The following ZDHHC11B variants were observed in gnomAD, a reference collection of about 807,000 sequenced individuals.
ZDHHC11B encodes probable palmitoyltransferase ZDHHC11B.
In ZDHHC11B, 17 loss-of-function variants were observed where a neutral mutation model predicts 42.3. The ratio of observed to expected loss-of-function variants is 0.40; its 90% CI spans 0.27 to 0.60. The LOEUF is 0.60. Among genes scored for constraint, ZDHHC11B ranks in the 20% least tolerant of loss-of-function variants. The pLI, the probability that ZDHHC11B is intolerant of heterozygous loss-of-function variation, is 0.41. For missense variants in ZDHHC11B, 262 were observed against 463.2 expected (o/e 0.57, Z 3.99); for synonymous variants, 123 against 193.5 (o/e 0.64, Z 3.02).
intron 12 of ZDHHC11B, among the ~76,000 whole-genome samples, chr5:723,643 A>G (rs202094156): frequency 0.21 from 20,831 of 99,674 alleles, 1,125 homozygotes; most frequent in African/African-American, 0.4. Context: ...TGCAGCTAAG[A>G]GAAGGCCACA....
chr5:719,310 A>T (rs1742009948), intron 12 of ZDHHC11B, among the ~76,000 whole-genome samples: 2 of 151,678 alleles, frequency 1.3e-5, no homozygotes, highest in Non-Finnish European at 2.9e-5. Context: ...GGGGAAAAAG[A>T]CTTGGCATAA....
intron 6 of ZDHHC11B, among the ~76,000 whole-genome samples, chr5:752,171 T>C (rs431935): frequency 0.53 from 50,516 of 94,746 alleles, 15,319 homozygotes; most frequent in African/African-American, 0.65. Context: ...GGGAGAGCCA[T>C]GAGAGTGCCG....
intron 10 of ZDHHC11B, among the ~76,000 whole-genome samples, chr5:739,033 C>A (rs1193747372): frequency 6.6e-5 from 10 of 150,740 alleles, no homozygotes; most frequent in Admixed American, 3.3e-4. Context: ...AGAAAATATT[C>A]ACAATCTGTA....
rs1352010788 is a variant in ZDHHC11B at position 725,051 on chromosome 5, A to G, written c.1058+5383T>C. ...CCCCAGATTCACAGGCTGAAGTCCT[A>G]ACCCCAGCGTTGTGTGTCATAAAGC... is the stretch of plus-strand genomic sequence containing the variant. On this transcript the variant is annotated intron_variant, in intron 12 of 13. Transcript: ENST00000508859. Among the ~76,000 whole-genome samples, 5 of 150,916 alleles carry G rather than the reference A, an allele frequency of 3.3e-5. No homozygotes were observed. In the East Asian group the frequency reaches 9.8e-4, roughly 29 times the overall value.
intron 4 of ZDHHC11B, among the ~76,000 whole-genome samples, chr5:764,615 C>T (rs995883147): frequency 6.6e-6 from 1 of 151,942 alleles, no homozygotes; most frequent in African/African-American, 2.4e-5. Flanking sequence ...GGGCTCAGGA[C>T]CTGCAGCCCG....
At chr5:757,629 A>G (rs1348747177) in intron 4 of ZDHHC11B, among the ~76,000 whole-genome samples, 1 of 151,960 alleles carries the variant, frequency 6.6e-6, no homozygotes, top group African/African-American at 2.4e-5. Context: ...AAATGCAGAC[A>G]CAGGTGCCGA....
rs1283687193 is a variant in ZDHHC11B, at chr5:724,415, G to A, written c.1058+6019C>T. 7.2e-5 allele frequency among the ~76,000 whole-genome samples: 8 copies of A among 110,364 alleles called. No homozygotes were observed. The East Asian group carries it at 1.7e-3, about 24-fold the overall frequency. 72.4% of individuals were successfully genotyped at this position (110,364 alleles called of 152,430 possible). ...TTTTTTGAGACAGTCTTGCTCTGTCGCCCAGGCTGGAGTGCAGTGGCACAA... is the reference window on the plus strand; with the variant it reads ...TTTTTTGAGACAGTCTTGCTCTGTCACCCAGGCTGGAGTGCAGTGGCACAA... On this transcript the variant is annotated intron_variant, in intron 12 of 13. Coordinates refer to ENST00000508859, the MANE Select transcript of ZDHHC11B (RefSeq NM_001351303.2).
At chr5:780,426 C>T (rs1354912425) in intron 1 of ZDHHC11B, among the ~76,000 whole-genome samples, 7 of 151,294 alleles carry the variant, frequency 4.6e-5, no homozygotes, top group African/African-American at 1.7e-4. Context: ...GCACCTGGGG[C>T]TCCTCGACGC....
At chr5:763,165 C>A (rs1241118938) in intron 4 of ZDHHC11B, among the ~76,000 whole-genome samples, 1 of 151,762 alleles carries the variant, frequency 6.6e-6, no homozygotes, top group Non-Finnish European at 1.5e-5. Context: ...GTCAGGAGTT[C>A]AAGACCAGAC....
chr5:783,319 CG>C (rs1319327018), intron 1 of ZDHHC11B, among the ~76,000 whole-genome samples: 1 of 152,292 alleles, frequency 6.6e-6, no homozygotes, highest in Non-Finnish European at 1.5e-5. Context: ...TTCAAGGCGC[CG>C]GCATCAGGCT....
chr5:732,320 T>A (rs1372023208), intron 11 of ZDHHC11B: 3 of 194,560 alleles, frequency 1.5e-5, no homozygotes, highest in Non-Finnish European at 3.2e-5. Context: ...CCAGGCCTCA[T>A]GTGGCTTCAC....
chr5:746,635 C>T (rs1181975782), intron 8 of ZDHHC11B, among the ~76,000 whole-genome samples: 1 of 149,642 alleles, frequency 6.7e-6, no homozygotes, highest in Non-Finnish European at 1.5e-5. Context: ...TGCTCTGCCA[C>T]CTGAGGCAAG....
intron 12 of ZDHHC11B, among the ~76,000 whole-genome samples, chr5:729,668 T>TA (rs1386412128): frequency 1.1e-4 from 17 of 151,016 alleles, no homozygotes; most frequent in Admixed American, 3.3e-4. Flanking sequence ...GAAACTTTAG[T>TA]AGAGTGTAGG....
intron 1 of ZDHHC11B, among the ~76,000 whole-genome samples, chr5:773,131 C>T (rs1299105862): frequency 6.6e-6 from 1 of 151,786 alleles, no homozygotes; most frequent in African/African-American, 2.4e-5. Flanking sequence ...AATAAGAATA[C>T]ATTTAGTTTT....
rs1190378178 is a variant in ZDHHC11B, at chr5:711,023, G to T, written c.*1267C>A. 1 of 147,316 alleles carries T rather than the reference G, an allele frequency of 6.8e-6. No individual in the cohort carries two copies. The highest frequency in any genetic ancestry group is 1.5e-5 in the Non-Finnish European group (1 of 67,570). The allele number at this position is 147,316 out of a possible 1,614,324, so 9.1% of individuals were successfully genotyped here. A position where few individuals can be genotyped will look rare whatever the true frequency, so the allele number is the denominator to read the frequency against. On this transcript the variant is annotated 3_prime_UTR_variant, in exon 14 of 14. Transcript: ENST00000508859. ...CAGTACTGTGAGCTCCCATTTCTCA[G>T]CGCTGTGCTCCCAATTCCCAGTACT... is the stretch of plus-strand genomic sequence containing the variant.
At chr5:755,832 G>T in intron 5 of ZDHHC11B, 134 bp downstream of exon 5, 1 of 364,606 alleles carries the variant, frequency 2.7e-6, no homozygotes, top group Non-Finnish European at 4.7e-6. Context: ...GCAGCCACAG[G>T]GCCGGGCCCT....
chr5:753,648 G>A (rs1746089770), intron 6 of ZDHHC11B, among the ~76,000 whole-genome samples: 1 of 148,272 alleles, frequency 6.7e-6, no homozygotes, highest in Non-Finnish European at 1.5e-5. Flanking sequence ...CCATCGTGGA[G>A]CTGCTCTTCT....
At position 764,394 on chromosome 5, in the gene ZDHHC11B, C is replaced by T. The variant is rs569212913; in HGVS notation, c.222+2304G>A. On this transcript the variant is annotated intron_variant, in intron 4 of 13. Transcript: ENST00000508859. ...TTGTGGGGAGGTATGAAGGGAGAGG[C>T]ACAGGCGGGAACCCAGCACTAGTTC... 7.3e-5 allele frequency among the ~76,000 whole-genome samples: 11 copies of T among 149,924 alleles called. No individual in the cohort carries two copies. The South Asian group carries it at 1.3e-3, about 17-fold the overall frequency.
At chr5:744,748 G>A (rs9313187) in intron 9 of ZDHHC11B, among the ~76,000 whole-genome samples, 6,349 of 146,770 alleles carry the variant, frequency 0.043, 328 homozygotes, top group African/African-American at 0.16. Context: ...GCATACATCT[G>A]CGATCCCAGC....
Sources: gnomAD v4.1 joint callset for allele counts (sites outside exome capture counted in the v4.1 genomes callset) on GRCh38, gnomAD v4.1.1 for gene constraint, MANE v1.5 for transcripts, NCBI Gene and HGNC (gene_info 2026-07-23, HGNC 2026-07-21) for gene names.